FYN: variants seen among roughly 807,000 people sequenced by gnomAD.
FYN encodes the protein FYN proto-oncogene, Src family tyrosine kinase.
In FYN, 10 loss-of-function variants were observed where a neutral mutation model predicts 70.2. The observed-to-expected ratio is 0.14, with a 90% CI of 0.09 to 0.24. FYN has a LOEUF of 0.24. Ranked by LOEUF, FYN falls within the 10% of genes least tolerant of loss-of-function variation. FYN has a pLI of 1.00. For missense variants in FYN, 319 were observed against 673.1 expected, an observed-to-expected ratio of 0.47 and a Z score of 5.82; for synonymous variants, 236 against 248.6, an observed-to-expected ratio of 0.95 and a Z score of 0.48.
At chr6:111,672,157 A>C (rs1253742014) in intron 13 of FYN, among the ~76,000 whole-genome samples, 1 of 152,116 alleles carries the variant, frequency 6.6e-6, no homozygotes, top group African/African-American at 2.4e-5. Context: ...TCTCAGATTC[A>C]TCCTGTGGTC....
chr6:111,834,492 C>T (rs971253004), intron 2 of FYN, among the ~76,000 whole-genome samples: 3 of 152,162 alleles, frequency 2.0e-5, no homozygotes, highest in African/African-American at 7.2e-5. Flanking sequence ...CTTCTGCCTC[C>T]CAGCTCCAAT....
intron 3 of FYN, among the ~76,000 whole-genome samples, chr6:111,774,483 T>C (rs1013083344): frequency 3.9e-5 from 6 of 152,024 alleles, no homozygotes; most frequent in Admixed American, 6.5e-5. Context: ...CTGCAGGACA[T>C]TTACCATCCC....
chr6:111,847,655 AT>A (rs1159664471), intron 1 of FYN, among the ~76,000 whole-genome samples: 1 of 152,144 alleles, frequency 6.6e-6, no homozygotes, highest in African/African-American at 2.4e-5. Flanking sequence ...CATCAAAACC[AT>A]CCCCCACCAC....
intron 3 of FYN, among the ~76,000 whole-genome samples, chr6:111,761,560 T>A (rs564969687): frequency 2.0e-5 from 3 of 152,360 alleles, no homozygotes; most frequent in South Asian, 2.1e-4. Context: ...CTTGGTTTCC[T>A]GGTGTGACCA....
chr6:111,746,014 G>A (rs1176258199), intron 3 of FYN, among the ~76,000 whole-genome samples: 1 of 152,236 alleles, frequency 6.6e-6, no homozygotes, highest in Admixed American at 6.5e-5. Context: ...ACCAGGAAGA[G>A]TCTGAAAGGA....
chr6:111,826,021 C>T (rs545044069), intron 2 of FYN, among the ~76,000 whole-genome samples: 1 of 151,906 alleles, frequency 6.6e-6, no homozygotes, highest in African/African-American at 2.4e-5. Flanking sequence ...AAGTATACAA[C>T]CATGGGAGTA....
rs748524208 is a variant in FYN, at chr6:111,694,336, A to C, written c.1273+39T>G. The C allele has an allele frequency of 6.2e-7, 1 of 1,611,200 alleles. No homozygotes were observed. The highest frequency in any genetic ancestry group is 8.5e-7 in the Non-Finnish European group (1 of 1,177,844). ...GGCTGTGCAGTAAGTGACTGTTCTCACAGCTGTGATCACGAGCCATTGTCA... is the reference window on the plus strand; with the variant it reads ...GGCTGTGCAGTAAGTGACTGTTCTCCCAGCTGTGATCACGAGCCATTGTCA... On this transcript the variant is annotated intron_variant, in intron 12 of 13. Transcript: ENST00000354650. The surrounding 1 kb of genome is among the most constrained non-coding windows in gnomAD (Gnocchi z 5.0).
intron 2 of FYN, among the ~76,000 whole-genome samples, chr6:111,803,569 C>T (rs903320948): frequency 1.3e-5 from 2 of 151,870 alleles, no homozygotes; most frequent in African/African-American, 4.8e-5. Context: ...AGTATAAATA[C>T]TGTTAGTATC....
At chr6:111,811,007 A>C (rs1338439877) in intron 2 of FYN, among the ~76,000 whole-genome samples, 1 of 152,252 alleles carries the variant, frequency 6.6e-6, no homozygotes, top group East Asian at 1.9e-4. Flanking sequence ...CTCCTCAATG[A>C]ATAAAAGTGT....
At chr6:111,856,856 C>T (rs974713620) in intron 1 of FYN, among the ~76,000 whole-genome samples, 1 of 152,052 alleles carries the variant, frequency 6.6e-6, no homozygotes, top group East Asian at 1.9e-4. Flanking sequence ...CAGGCAACTC[C>T]GCACCTCACC....
At chr6:111,822,626 TTA>T (rs769160247) in intron 2 of FYN, among the ~76,000 whole-genome samples, 2 of 150,494 alleles carry the variant, frequency 1.3e-5, no homozygotes, top group Non-Finnish European at 1.5e-5. Flanking sequence ...ACTTAAAGTA[TTA>T]TATATATATA....
At chr6:111,736,126 T>A (rs1225982703) in intron 3 of FYN, among the ~76,000 whole-genome samples, 3 of 152,202 alleles carry the variant, frequency 2.0e-5, no homozygotes, top group East Asian at 3.9e-4. Flanking sequence ...CAGACCGGTG[T>A]CACAAGAGGA....
intron 2 of FYN, among the ~76,000 whole-genome samples, chr6:111,825,875 ACAAGT>A (rs1439161571): frequency 6.6e-6 from 1 of 152,176 alleles, no homozygotes; most frequent in Non-Finnish European, 1.5e-5. Context: ...ATTGAGAAAG[ACAAGT>A]CAAGATGTGC....
intron 2 of FYN, among the ~76,000 whole-genome samples, chr6:111,845,109 T>G (rs1028368377): frequency 6.6e-6 from 1 of 152,256 alleles, no homozygotes; most frequent in South Asian, 2.1e-4. Flanking sequence ...ATGAATGGAC[T>G]TCCCCCTCCT....
At chr6:111,739,822 C>A (rs963236019) in intron 3 of FYN, among the ~76,000 whole-genome samples, 3 of 152,188 alleles carry the variant, frequency 2.0e-5, no homozygotes, top group Non-Finnish European at 4.4e-5. Context: ...ACTTGACAAT[C>A]TTTTGTTGTT....
At chr6:111,716,659 A>G (rs1004318458) in intron 4 of FYN, among the ~76,000 whole-genome samples, 3 of 152,202 alleles carry the variant, frequency 2.0e-5, no homozygotes, top group African/African-American at 7.2e-5. Flanking sequence ...TATATTAAAA[A>G]AAAAATTAGT....
At chr6:111,812,815 C>G (rs1772369280) in intron 2 of FYN, among the ~76,000 whole-genome samples, 1 of 151,862 alleles carries the variant, frequency 6.6e-6, no homozygotes, top group Admixed American at 6.6e-5. Context: ...TCACCTTCCT[C>G]AGAGTAGTGT....
chr6:111,662,965 C>T (rs1393548795), intron 13 of FYN, among the ~76,000 whole-genome samples: 3 of 152,222 alleles, frequency 2.0e-5, no homozygotes, highest in Non-Finnish European at 4.4e-5. Flanking sequence ...GAAGACAGAT[C>T]GCTAACTCCT....
intron 2 of FYN, among the ~76,000 whole-genome samples, chr6:111,842,376 G>A (rs1003716141): frequency 2.0e-5 from 3 of 152,160 alleles, no homozygotes; most frequent in South Asian, 2.1e-4. Context: ...CCTGCAACCC[G>A]CCCATGCCCA....
Sources: allele counts gnomAD v4.1 joint callset (sites outside exome capture counted in the v4.1 genomes callset), GRCh38; gene constraint gnomAD v4.1.1; non-coding constraint Gnocchi (gnomAD v3.1); transcripts MANE v1.5; gene names NCBI Gene and HGNC (gene_info 2026-07-23, HGNC 2026-07-21).